The following DENND1A variants were observed in gnomAD, a reference collection of about 807,000 sequenced individuals.
DENND1A encodes the protein DENN domain containing 1A.
Under a neutral mutation model 113.7 loss-of-function variants are expected in DENND1A, and 51 were observed. The observed-to-expected ratio is 0.45, with a 90% CI of 0.36 to 0.57. The LOEUF is 0.57. Ranked by LOEUF, DENND1A falls within the 20% of genes least tolerant of loss-of-function variation. The probability of loss-of-function intolerance (pLI) is 0.00; values close to 1 mark genes in which losing one functional copy is unlikely to be tolerated. For missense variants in DENND1A, 1,258 were observed against 1,395.9 expected, an observed-to-expected ratio of 0.90 and a Z score of 1.57; for synonymous variants, 565 against 570.8, an observed-to-expected ratio of 0.99 and a Z score of 0.14.
At chr9:123,641,240 G>A (rs565607288) in intron 9 of DENND1A, among the ~76,000 whole-genome samples, 1 of 152,150 alleles carries the variant, frequency 6.6e-6, no homozygotes, top group Non-Finnish European at 1.5e-5. Context: ...GGCTTTTTAA[G>A]TAGATTAAGA....
intron 22 of DENND1A, 93 bp from the exon 23 acceptor site, chr9:123,384,006 G>A: frequency 1.3e-6 from 2 of 1,504,802 alleles, no homozygotes; most frequent in South Asian, 2.5e-5. Context: ...GGCTTGAGGG[G>A]TGCACGCAGG....
chr9:123,401,814 T>C (rs560218858), intron 21 of DENND1A: 1 of 1,614,040 alleles, frequency 6.2e-7, no homozygotes, highest in Non-Finnish European at 8.5e-7. Context: ...CGTAAGTCAA[T>C]GTGATGAAGA....
chr9:123,738,441 T>TTGTGTGTGTGTGTGTGTGTGTGTG (rs760641686), intron 5 of DENND1A, among the ~76,000 whole-genome samples: 2 of 123,376 alleles, frequency 1.6e-5, no homozygotes, highest in African/African-American at 7.1e-5. Context: ...TGTCAACAGC[T>TTGTGTGTGTGTGTGTGTGTGTGTG]TCTGTGTGTG....
At chr9:123,641,052 T>TA (rs1006170078) in intron 9 of DENND1A, among the ~76,000 whole-genome samples, 66 of 152,214 alleles carry the variant, frequency 4.3e-4, no homozygotes, top group African/African-American at 1.6e-3. Flanking sequence ...TGTCTGCACT[T>TA]ACCGATGATT....
chr9:123,538,084 C>T (rs565140544), intron 13 of DENND1A, among the ~76,000 whole-genome samples: 1 of 152,180 alleles, frequency 6.6e-6, no homozygotes, highest in African/African-American at 2.4e-5. Flanking sequence ...AAAGAACATA[C>T]CAAAAAATAG....
chr9:123,903,331 C>CAA (rs869154918), intron 1 of DENND1A, among the ~76,000 whole-genome samples: 600 of 26,952 alleles, frequency 0.022, 119 homozygotes, highest in African/African-American at 0.058. Context: ...GACTCCGTCT[C>CAA]AAAAAAAAAA....
At chr9:123,465,797 T>G (rs2048897610) in intron 13 of DENND1A, among the ~76,000 whole-genome samples, 1 of 152,236 alleles carries the variant, frequency 6.6e-6, no homozygotes, top group African/African-American at 2.4e-5. Flanking sequence ...TTTAATGTCA[T>G]TATAAGAAAA....
intron 19 of DENND1A, among the ~76,000 whole-genome samples, chr9:123,431,681 A>C (rs541919710): frequency 1.3e-5 from 2 of 152,358 alleles, no homozygotes; most frequent in Admixed American, 1.3e-4. Context: ...GGAGGGATTC[A>C]GTAGGCTAAC....
intron 2 of DENND1A, among the ~76,000 whole-genome samples, chr9:123,795,586 G>A (rs1045174459): frequency 1.5e-4 from 23 of 152,174 alleles, no homozygotes; most frequent in African/African-American, 5.1e-4. Flanking sequence ...AGTACTCTAT[G>A]TATTTCATTG....
intron 21 of DENND1A, among the ~76,000 whole-genome samples, chr9:123,395,494 GAC>G (rs1448767788): frequency 1.2e-4 from 18 of 148,036 alleles, no homozygotes; most frequent in South Asian, 4.6e-4. Context: ...GTGTGTGTGT[GAC>G]AGAGAGAGAG....
intron 8 of DENND1A, among the ~76,000 whole-genome samples, chr9:123,654,103 A>G (rs1482421739): frequency 6.6e-6 from 1 of 152,188 alleles, no homozygotes; most frequent in African/African-American, 2.4e-5. Flanking sequence ...CAACCAGTGT[A>G]TCTTGGTTCC....
At chr9:123,884,324 A>C (rs1252478499) in intron 1 of DENND1A, among the ~76,000 whole-genome samples, 1 of 152,232 alleles carries the variant, frequency 6.6e-6, no homozygotes, top group Non-Finnish European at 1.5e-5. Context: ...AATTTGGTAC[A>C]TGTAATGATG....
At chr9:123,550,562 T>C (rs1380944292) in intron 13 of DENND1A, among the ~76,000 whole-genome samples, 11 of 152,144 alleles carry the variant, frequency 7.2e-5, no homozygotes, top group Non-Finnish European at 2.9e-5. Flanking sequence ...TCATGCAGCA[T>C]GGGTTATGAA....
chr9:123,525,128 C>T (rs1482628751), intron 13 of DENND1A, among the ~76,000 whole-genome samples: 5 of 152,136 alleles, frequency 3.3e-5, no homozygotes, highest in Admixed American at 6.5e-5. Flanking sequence ...GAGACGTGTT[C>T]GAGGTCACAC....
intron 13 of DENND1A, among the ~76,000 whole-genome samples, chr9:123,501,345 A>T (rs755558505): frequency 3.3e-5 from 5 of 152,156 alleles, no homozygotes; most frequent in Admixed American, 6.5e-5. Context: ...TCATCTGTGG[A>T]TGGACACCTG....
At chr9:123,638,711 T>A (rs1228196582) in intron 9 of DENND1A, among the ~76,000 whole-genome samples, 1 of 151,932 alleles carries the variant, frequency 6.6e-6, no homozygotes, top group East Asian at 1.9e-4. Flanking sequence ...TGAGGTCACC[T>A]CAGCCTCCCA....
intron 19 of DENND1A, among the ~76,000 whole-genome samples, chr9:123,429,380 A>T (rs2045969411): frequency 6.6e-6 from 1 of 152,082 alleles, no homozygotes; most frequent in African/African-American, 2.4e-5. Flanking sequence ...ACATGGTGAA[A>T]CCCCATCTCT....
chr9:123,458,040 AC>A (rs2048271302), intron 13 of DENND1A, 143 bp from the exon 14 acceptor site: 4 of 619,046 alleles, frequency 6.5e-6, no homozygotes, highest in Non-Finnish European at 1.1e-5. Flanking sequence ...TCACTCTGTC[AC>A]CCAGGCTGGA....
In DENND1A at chr9:123,644,425, G is replaced by A. The variant is rs548082723; in HGVS notation, c.618+7588C>T. Among the ~76,000 whole-genome samples, 3 of 144,318 alleles carry A rather than the reference G, an allele frequency of 2.1e-5. No homozygotes were observed. The East Asian group carries it at 5.9e-4, about 29-fold the overall frequency. The allele number at this position is 144,318 out of a possible 152,430, so 94.7% of individuals were successfully genotyped here. A position where few individuals can be genotyped will look rare whatever the true frequency, so the allele number is the denominator to read the frequency against. ...AAACCTCTAAGTACTATACAATCAGGTCTTATTTTTCACCCAAACCAACAG... is the reference window on the plus strand; with the variant it reads ...AAACCTCTAAGTACTATACAATCAGATCTTATTTTTCACCCAAACCAACAG... On this transcript the variant is annotated intron_variant, in intron 9 of 23. Transcript: ENST00000394215.
Sources: gnomAD v4.1 joint callset for allele counts (sites outside exome capture counted in the v4.1 genomes callset) on GRCh38, gnomAD v4.1.1 for gene constraint, MANE v1.5 for transcripts, NCBI Gene and HGNC (gene_info 2026-07-23, HGNC 2026-07-21) for gene names.